Variants in RGS7 observed in about 807,000 individuals in gnomAD.
RGS7 encodes regulator of G-protein signaling 7.
In RGS7, 27 loss-of-function variants were observed where a neutral mutation model predicts 81.1. The observed-to-expected ratio is 0.33, with a 90% CI of 0.25 to 0.46. The LOEUF (loss-of-function observed/expected upper bound fraction) is 0.46, where lower values mean the gene tolerates loss of function less well. Ranked by LOEUF, RGS7 falls within the 20% of genes least tolerant of loss-of-function variation. The probability of loss-of-function intolerance (pLI) is 1.00; values close to 1 mark genes in which losing one functional copy is unlikely to be tolerated. For missense variants in RGS7, 396 were observed against 607.4 expected (o/e 0.65, Z 3.66); for synonymous variants, 208 against 207.7 (o/e 1.00, Z -0.01).
intron 2 of RGS7, among the ~76,000 whole-genome samples, chr1:241,216,558 G>A (rs1172777550): frequency 6.6e-6 from 1 of 152,128 alleles, no homozygotes; most frequent in South Asian, 2.1e-4. Flanking sequence ...GAAAATATAT[G>A]GTTTTCTTTG....
intron 18 of RGS7, among the ~76,000 whole-genome samples, chr1:240,781,832 T>C (rs930165372): frequency 3.9e-5 from 6 of 152,078 alleles, no homozygotes; most frequent in African/African-American, 9.7e-5. Context: ...CTGGTTAACA[T>C]AGTGAAACCC....
chr1:241,087,980 A>C (rs921121525), intron 3 of RGS7, among the ~76,000 whole-genome samples: 879 of 70,298 alleles, frequency 0.013, 4 homozygotes, highest in African/African-American at 0.017. Context: ...CTCTCTCTAT[A>C]TATATATATA....
intron 6 of RGS7, among the ~76,000 whole-genome samples, chr1:240,908,107 C>G (rs1022609611): frequency 6.8e-6 from 1 of 148,100 alleles, no homozygotes; most frequent in Non-Finnish European, 1.5e-5. Context: ...GGCAGAAAAC[C>G]AAACACCACA....
chr1:241,208,341 G>A (rs998711082), intron 2 of RGS7, among the ~76,000 whole-genome samples: 1 of 152,120 alleles, frequency 6.6e-6, no homozygotes, highest in Admixed American at 6.5e-5. Context: ...ACTACGCCAG[G>A]CTTAGTAATG....
At chr1:241,008,516 T>C (rs528646356) in intron 3 of RGS7, among the ~76,000 whole-genome samples, 24 of 152,222 alleles carry the variant, frequency 1.6e-4, no homozygotes, top group Middle Eastern at 6.8e-3. Context: ...ACCTGAGGAG[T>C]GTAAATCAAC....
chr1:240,925,573 C>T lies in RGS7; in HGVS notation c.385+5144G>A, dbSNP rs768375427. ...TTCATGTCTTCGCTGTTGTGAATAT[C>T]GCTGTGATGAACACATAAGTGCACA... is the stretch of plus-strand genomic sequence containing the variant. On this transcript the variant is annotated intron_variant, in intron 6 of 18. Transcript: ENST00000440928. Among the ~76,000 whole-genome samples, 7 of 152,222 alleles carry T rather than the reference C, an allele frequency of 4.6e-5. No homozygotes were observed. The East Asian group carries it at 9.7e-4, about 21-fold the overall frequency.
At position 241,343,078 on chromosome 1, in the gene RGS7, C is replaced by T. The variant is rs563207816; in HGVS notation, c.78+12621G>A. ...GAGATCGAGACCATCCTGGCTAACA[C>T]GGTGAAACCCCGTCTCTACTAAAAA... On this transcript the variant is annotated intron_variant, in intron 2 of 18. Transcript: ENST00000440928. Among the ~76,000 whole-genome samples, 57 of 151,986 alleles carry T rather than the reference C, an allele frequency of 3.8e-4. 2 individuals are homozygous for T. In the South Asian group the frequency reaches 8.3e-3, roughly 22 times the overall value.
chr1:241,184,544 T>C (rs772486236), intron 2 of RGS7, among the ~76,000 whole-genome samples: 6 of 152,192 alleles, frequency 3.9e-5, no homozygotes, highest in Non-Finnish European at 7.3e-5. Context: ...AAGTAGAAGG[T>C]TCCACTTTAT....
chr1:240,827,020 A>C, intron 10 of RGS7, 78 bp downstream of exon 10: 1 of 1,149,220 alleles, frequency 8.7e-7, no homozygotes, highest in East Asian at 2.3e-5. Context: ...TGACATGAGA[A>C]GAAAGTGTTT....
At chr1:240,799,345 T>C (rs1687644352) in intron 18 of RGS7, among the ~76,000 whole-genome samples, 1 of 106,574 alleles carries the variant, frequency 9.4e-6, no homozygotes, top group South Asian at 2.7e-4. Context: ...CTTCAGTAAT[T>C]CCAGTTGTTT....
At chr1:241,106,431 T>C (rs939442712) in intron 2 of RGS7, among the ~76,000 whole-genome samples, 2 of 151,996 alleles carry the variant, frequency 1.3e-5, no homozygotes, top group Non-Finnish European at 2.9e-5. Context: ...AAACAGTAAC[T>C]CAGTGAGGCA....
chr1:240,774,827 C>A (rs1166685933), downstream of RGS7, among the ~76,000 whole-genome samples: 1 of 152,052 alleles, frequency 6.6e-6, no homozygotes, highest in East Asian at 1.9e-4. Context: ...ATTCAAGCAA[C>A]CTTCCAACAA....
At chr1:241,275,005 C>T (rs2078118149) in intron 2 of RGS7, among the ~76,000 whole-genome samples, 1 of 152,188 alleles carries the variant, frequency 6.6e-6, no homozygotes, top group Admixed American at 6.5e-5. Flanking sequence ...TGAATAGCTA[C>T]TTGGTTTAAC....
intron 2 of RGS7, among the ~76,000 whole-genome samples, chr1:241,347,491 C>T (rs540205145): frequency 3.2e-4 from 49 of 152,192 alleles, no homozygotes; most frequent in African/African-American, 1.2e-3. Context: ...CCTTTTATAC[C>T]TCAATTTAAA....
At chr1:241,190,297 T>C (rs973982665) in intron 2 of RGS7, among the ~76,000 whole-genome samples, 1 of 152,214 alleles carries the variant, frequency 6.6e-6, no homozygotes, top group Non-Finnish European at 1.5e-5. Flanking sequence ...AAAATTGTTT[T>C]AGCTATTTTA....
intron 6 of RGS7, among the ~76,000 whole-genome samples, chr1:240,884,489 C>T (rs1667005896): frequency 6.6e-6 from 1 of 152,166 alleles, no homozygotes; most frequent in Non-Finnish European, 1.5e-5. Flanking sequence ...CTGGAGAACA[C>T]TGATGAATGT....
At chr1:240,824,954 A>G (rs1444125760) in intron 10 of RGS7, among the ~76,000 whole-genome samples, 1 of 152,154 alleles carries the variant, frequency 6.6e-6, no homozygotes, top group Non-Finnish European at 1.5e-5. Flanking sequence ...GCAGGAAGAG[A>G]CACTCCACAG....
chr1:241,038,034 T>C (rs1040647991), intron 3 of RGS7, among the ~76,000 whole-genome samples: 1 of 152,184 alleles, frequency 6.6e-6, no homozygotes, highest in Non-Finnish European at 1.5e-5. Context: ...ATAATGGGTA[T>C]ACCAAAATCT....
At chr1:241,262,447 T>A (rs529087906) in intron 2 of RGS7, among the ~76,000 whole-genome samples, 4 of 152,236 alleles carry the variant, frequency 2.6e-5, no homozygotes, top group Non-Finnish European at 4.4e-5. Flanking sequence ...CAGAAGTTCA[T>A]GGGCACTATC....
Sources: allele counts gnomAD v4.1 joint callset (sites outside exome capture counted in the v4.1 genomes callset), GRCh38; gene constraint gnomAD v4.1.1; transcripts MANE v1.5; gene names NCBI Gene and HGNC (gene_info 2026-07-23, HGNC 2026-07-21).